The following ZNF85 variants were observed in gnomAD, a reference collection of about 807,000 sequenced individuals.
The protein encoded by ZNF85 is zinc finger protein 85 (HPF4, HTF1).
Under a neutral mutation model 53.9 loss-of-function variants are expected in ZNF85, and 50 were observed. The observed-to-expected ratio is 0.93, with a 90% CI of 0.74 to 1.17. The LOEUF is 1.17. ZNF85 is among the 50% of genes most tolerant of loss of function. The pLI, the probability that ZNF85 is intolerant of heterozygous loss-of-function variation, is 0.00. For missense variants in ZNF85, 747 were observed against 688.5 expected, an observed-to-expected ratio of 1.08 and a Z score of -0.95; for synonymous variants, 225 against 226.1, an observed-to-expected ratio of 1.00 and a Z score of 0.04.
At chr19:20,941,646 A>G (rs1973299054) in intron 3 of ZNF85, among the ~76,000 whole-genome samples, 1 of 152,246 alleles carries the variant, frequency 6.6e-6, no homozygotes, top group South Asian at 2.1e-4. Flanking sequence ...TTCTAAATAA[A>G]ATTATTCAAC....
intron 1 of ZNF85, among the ~76,000 whole-genome samples, chr19:20,930,929 C>T (rs547624910): frequency 1.3e-5 from 2 of 152,306 alleles, no homozygotes; most frequent in South Asian, 2.1e-4. Context: ...TGCACCACCA[C>T]ACCCAGCTAA....
At chr19:20,934,210 T>G in intron 2 of ZNF85, 60 bp downstream of exon 2, 1 of 1,562,344 alleles carries the variant, frequency 6.4e-7, no homozygotes, top group South Asian at 1.2e-5. Context: ...TTCTTTTATT[T>G]GTGGAATGTT....
chr19:20,923,328 C>T lies in ZNF85; in HGVS notation c.-73C>T, dbSNP rs545279322. On this transcript the variant is annotated 5_prime_UTR_variant, in exon 1 of 4. Coordinates refer to ENST00000328178, the MANE Select transcript of ZNF85 (RefSeq NM_003429.5). ...TGTTTTCTGCTCGTGGACGCCCAGC[C>T]TCTGTGGCCCTGTGGCCTGCAGGTA... 1.9e-4 allele frequency: 301 copies of T among 1,610,636 alleles called. 6 individuals carry two copies. In the South Asian group the frequency reaches 2.9e-3, roughly 16 times the overall value.
intron 3 of ZNF85, among the ~76,000 whole-genome samples, chr19:20,941,804 G>A (rs1445223500): frequency 1.6e-5 from 1 of 61,024 alleles, no homozygotes; most frequent in Non-Finnish European, 3.1e-5. Flanking sequence ...GAAGTGTAAT[G>A]CAGTTAAATT....
chr19:20,944,292 C>T (rs1353658021), intron 3 of ZNF85: 2 of 151,614 alleles, frequency 1.3e-5, no homozygotes, highest in South Asian at 2.1e-4. Flanking sequence ...AACTCCTAGT[C>T]TCAAGTAAGC....
chr19:20,933,912 A>G (rs1202847208), intron 1 of ZNF85, 112 bp from the exon 2 acceptor site: 2 of 1,187,586 alleles, frequency 1.7e-6, no homozygotes, highest in East Asian at 2.7e-5. Flanking sequence ...CTCTCATTTC[A>G]CCTTGAGTAA....
In ZNF85 at chr19:20,949,987, T is replaced by TGAAGA; in HGVS notation, c.1473_1474insGAAGA (p.Lys492GlufsTer13). The stretch of plus-strand genomic sequence containing the variant: ...AATGTGAAGAATGTGGCAAAGGTTT[T>TGAAGA]AAATGGCCCTCAACCCTTACTATCC... On this transcript the variant is annotated frameshift_variant, in exon 4 of 4. Coordinates refer to ENST00000328178, the MANE Select transcript of ZNF85 (RefSeq NM_003429.5). LOFTEE classifies it high-confidence loss of function. 1 of 1,613,006 alleles carries TGAAGA rather than the reference T, an allele frequency of 6.2e-7. No homozygotes were observed. The highest frequency in any genetic ancestry group is 8.5e-7 in the Non-Finnish European group (1 of 1,179,622).
At chr19:20,942,770 T>G (rs1412299297) in intron 3 of ZNF85, 3 of 693,654 alleles carry the variant, frequency 4.3e-6, no homozygotes, top group Non-Finnish European at 7.9e-6. Context: ...TAAATTTATT[T>G]GTTGTTGTTG....
At chr19:20,940,537 C>CAAA (rs139040245) in intron 3 of ZNF85, among the ~76,000 whole-genome samples, 1 of 148,428 alleles carries the variant, frequency 6.7e-6, no homozygotes, top group Non-Finnish European at 1.5e-5. Context: ...ACCCTGTCTC[C>CAAA]AAAAAAAAAA....
chr19:20,932,021 C>T (rs950656129), intron 1 of ZNF85, among the ~76,000 whole-genome samples: 3 of 152,124 alleles, frequency 2.0e-5, no homozygotes, highest in Non-Finnish European at 2.9e-5. Flanking sequence ...GCTCATTGTT[C>T]CTGAATCTCT....
chr19:20,934,861 T>G, intron 2 of ZNF85, 88 bp from the exon 3 acceptor site: 2 of 689,310 alleles, frequency 2.9e-6, no homozygotes, highest in Non-Finnish European at 4.6e-6. Flanking sequence ...ATTAGTATTT[T>G]GGGATTAATT....
At position 20,949,437 on chromosome 19, in the gene ZNF85, A is replaced by G. The variant is rs1973513064; in HGVS notation, c.923A>G (p.His308Arg). The G allele has an allele frequency of 1.2e-6, 2 of 1,610,910 alleles. No individual in the cohort carries two copies. Among genetic ancestry groups the G allele is most frequent in the South Asian group, 1.1e-5 (1 of 90,790 alleles). ...SSTLTTHRKI[H>R]TGEKPYKCEE... is the part of the protein sequence containing the mutation. ...ACCCTTACTACCCATAGAAAAATTC[A>G]TACTGGAGAGAAACCTTACAAATGT... is the stretch of plus-strand genomic sequence containing the variant. The change falls in exon 4 of 4, where the codon CAT (histidine) becomes CGT (arginine). Residue 308 changes from histidine (H) to arginine (R), a missense_variant. Physicochemically the swap from His to Arg is conservative, Grantham distance 29. Coordinates refer to ENST00000328178, the MANE Select transcript of ZNF85 (RefSeq NM_003429.5).
intron 3 of ZNF85, 134 bp downstream of exon 3, chr19:20,935,181 T>C (rs1250282722): frequency 1.8e-6 from 1 of 560,172 alleles, no homozygotes; most frequent in Non-Finnish European, 3.1e-6. Context: ...CTGAGGTTTC[T>C]TTCTTTCTTT....
chr19:20,927,870 G>A (rs1972917015), intron 1 of ZNF85: 1 of 152,068 alleles, frequency 6.6e-6, no homozygotes, highest in Non-Finnish European at 1.5e-5. Context: ...GACAGAGCAA[G>A]ACTCCATCTG....
chr19:20,923,326 G>T lies in ZNF85; in HGVS notation c.-75G>T. ...TGTGTTTTCTGCTCGTGGACGCCCAGCCTCTGTGGCCCTGTGGCCTGCAGG... is the reference window on the plus strand; with the variant it reads ...TGTGTTTTCTGCTCGTGGACGCCCATCCTCTGTGGCCCTGTGGCCTGCAGG... On this transcript the variant is annotated 5_prime_UTR_variant, in exon 1 of 4. Coordinates refer to ENST00000328178, the MANE Select transcript of ZNF85 (RefSeq NM_003429.5). 1 of 1,610,002 alleles carries T rather than the reference G, an allele frequency of 6.2e-7. No individual in the cohort carries two copies. Among genetic ancestry groups the T allele is most frequent in the Non-Finnish European group, 8.5e-7 (1 of 1,176,834 alleles).
chr19:20,929,830 A>AAAGTT lies in ZNF85; in HGVS notation c.4-4193_4-4189dup, dbSNP rs367625711. 7.2e-5 allele frequency among the ~76,000 whole-genome samples: 11 copies of AAAGTT among 152,294 alleles called. No individual in the cohort carries two copies. In the East Asian group the frequency reaches 1.9e-3, roughly 27 times the overall value. ...CTCACACAATTTGTTAGAAGAAATC[A>AAAGTT]AAGTTTTGGGCCAGGCGTGGTGGCT... On this transcript the variant is annotated intron_variant, in intron 1 of 3. Transcript: ENST00000328178.
intron 3 of ZNF85, chr19:20,937,056 C>G (rs144217497): frequency 0.01 from 1,885 of 184,582 alleles, 34 homozygotes; most frequent in African/African-American, 0.034. Flanking sequence ...GTTTTTGAGA[C>G]GGAGTCTCAC....
rs780580366 is a variant in ZNF85 at position 20,942,901 on chromosome 19, G to A, written c.230-5843G>A. On this transcript the variant is annotated intron_variant, in intron 3 of 3. Coordinates refer to ENST00000328178, the MANE Select transcript of ZNF85 (RefSeq NM_003429.5). ...AGTGATTGTTCCACCTCAGCCTCCC[G>A]AGTAGCTTGGACTACAGACATGCAG... 33 of 678,610 alleles carry A rather than the reference G, an allele frequency of 4.9e-5. 1 individual carries two copies. The highest frequency in any genetic ancestry group is 3.3e-4 in the Admixed American group (15 of 45,798). 42.0% of individuals were successfully genotyped at this position (678,610 alleles called of 1,614,324 possible). A position where few individuals can be genotyped will look rare whatever the true frequency, so the allele number is the denominator to read the frequency against.
chr19:20,937,815 CCAG>C (rs1358421292), intron 3 of ZNF85, among the ~76,000 whole-genome samples: 1 of 152,146 alleles, frequency 6.6e-6, no homozygotes, highest in Non-Finnish European at 1.5e-5. Context: ...ATGTCTTCCT[CCAG>C]GACTCTGGAA....
Sources: allele counts gnomAD v4.1 joint callset (sites outside exome capture counted in the v4.1 genomes callset), GRCh38; gene constraint gnomAD v4.1.1; transcripts MANE v1.5; gene names NCBI Gene and HGNC (gene_info 2026-07-23, HGNC 2026-07-21).